CACNA1C: variants seen among roughly 807,000 people sequenced by gnomAD.
CACNA1C encodes voltage-dependent L-type calcium channel subunit alpha-1C.
Under a neutral mutation model 229.0 loss-of-function variants are expected in CACNA1C, and 30 were observed. That is an observed-to-expected ratio of 0.13 (90% confidence interval 0.10 to 0.18). The LOEUF is 0.18. Among genes scored for constraint, CACNA1C ranks in the 10% least tolerant of loss-of-function variants. The probability of loss-of-function intolerance (pLI) is 1.00; values close to 1 mark genes in which losing one functional copy is unlikely to be tolerated. For missense variants in CACNA1C, 1,658 were observed against 2,845.0 expected, an observed-to-expected ratio of 0.58 and a Z score of 9.49; for synonymous variants, 1,114 against 1,132.5, an observed-to-expected ratio of 0.98 and a Z score of 0.33.
At chr12:2,312,513 T>C (rs915253294) in intron 3 of CACNA1C, among the ~76,000 whole-genome samples, 2 of 152,180 alleles carry the variant, frequency 1.3e-5, no homozygotes, top group African/African-American at 4.8e-5. Flanking sequence ...TATACGACTT[T>C]GAAAATACTC....
intron 1 of CACNA1C, among the ~76,000 whole-genome samples, chr12:1,975,926 A>G (rs1396078215): frequency 3.3e-5 from 5 of 152,144 alleles, no homozygotes; most frequent in Non-Finnish European, 7.4e-5. Flanking sequence ...CAGGGTGAAG[A>G]GAAGGGTTGT....
intron 3 of CACNA1C, among the ~76,000 whole-genome samples, chr12:2,411,047 A>C (rs2098802063): frequency 6.6e-6 from 1 of 152,102 alleles, no homozygotes. Context: ...CCTCTTAGGA[A>C]GGGCCTAGAT....
At chr12:2,023,401 T>A (rs555524196) in intron 1 of CACNA1C, among the ~76,000 whole-genome samples, 1 of 152,204 alleles carries the variant, frequency 6.6e-6, no homozygotes, top group African/African-American at 2.4e-5. Context: ...CTTTTATCAC[T>A]TTCTACTCCT....
At chr12:2,655,657 G>A (rs1032048122) in intron 34 of CACNA1C, among the ~76,000 whole-genome samples, 1 of 152,174 alleles carries the variant, frequency 6.6e-6, no homozygotes, top group Non-Finnish European at 1.5e-5. Flanking sequence ...CGTGCTGGGC[G>A]CTTATGTCCA....
At position 2,097,295 on chromosome 12, in the gene CACNA1C, G is replaced by A. The variant is rs1009052648; in HGVS notation, c.50-17929G>A. ...CGTGTAGCTGGGACTACAGGCGCCT[G>A]CCACCACGCCCAGCTAATTTTTTTG... On this transcript the variant is annotated intron_variant, in intron 1 of 46. Coordinates refer to ENST00000399655, the MANE Select transcript of CACNA1C (RefSeq NM_000719.7). Among the ~76,000 whole-genome samples, 67 of 152,114 alleles carry A rather than the reference G, an allele frequency of 4.4e-4. 1 individual carries two copies. The highest frequency in any genetic ancestry group is 7.6e-4 in the Non-Finnish European group (52 of 68,006).
At chr12:2,439,446 A>T (rs978729914) in intron 3 of CACNA1C, among the ~76,000 whole-genome samples, 1 of 152,156 alleles carries the variant, frequency 6.6e-6, no homozygotes, top group Non-Finnish European at 1.5e-5. Flanking sequence ...TGCCTGTGAG[A>T]GGTCAGCACA....
chr12:2,695,603 A>C lies in CACNA1C; in HGVS notation c.*4404A>C, dbSNP rs2097835091. ...AAAGAAAAGTCCTACAACTGTCAGGAATGGGGCACCTTTCCCTGTCCCTAA... is the reference window on the plus strand; with the variant it reads ...AAAGAAAAGTCCTACAACTGTCAGGCATGGGGCACCTTTCCCTGTCCCTAA... On this transcript the variant is annotated 3_prime_UTR_variant, in exon 47 of 47. Coordinates refer to ENST00000399655, the MANE Select transcript of CACNA1C (RefSeq NM_000719.7). 1 of 152,224 alleles carries C rather than the reference A, an allele frequency of 6.6e-6. No individual in the cohort carries two copies. Among genetic ancestry groups the C allele is most frequent in the African/African-American group, 2.4e-5 (1 of 41,440 alleles). The allele number at this position is 152,224 out of a possible 1,614,324, so 9.4% of individuals were successfully genotyped here.
At chr12:2,060,375 G>A (rs531515372) in intron 1 of CACNA1C, among the ~76,000 whole-genome samples, 21 of 152,278 alleles carry the variant, frequency 1.4e-4, no homozygotes, top group South Asian at 6.2e-4. Context: ...GACCAAGGGC[G>A]TCTTTCTGCT....
At chr12:2,563,729 G>C (rs545921119) in intron 11 of CACNA1C, among the ~76,000 whole-genome samples, 2 of 152,326 alleles carry the variant, frequency 1.3e-5, no homozygotes, top group South Asian at 4.1e-4. Flanking sequence ...GGCAATTTTG[G>C]GGGTATGTGC....
At chr12:2,521,667 T>G (rs1287148776) in intron 9 of CACNA1C, among the ~76,000 whole-genome samples, 1 of 152,222 alleles carries the variant, frequency 6.6e-6, no homozygotes, top group African/African-American at 2.4e-5. Context: ...CAGTTATCAG[T>G]GCCTGCGTTC....
chr12:2,396,785 G>C (rs1196176826), intron 3 of CACNA1C, among the ~76,000 whole-genome samples: 2 of 152,238 alleles, frequency 1.3e-5, no homozygotes, highest in African/African-American at 4.8e-5. Context: ...AAGGCATGGG[G>C]CCAAGCCTGG....
intron 25 of CACNA1C, 105 bp downstream of exon 25, chr12:2,606,768 C>A (rs2075566161): frequency 9.7e-7 from 1 of 1,026,482 alleles, no homozygotes; most frequent in South Asian, 1.5e-5. Flanking sequence ...ACTGCAGTGG[C>A]ACCTGCGCTC....
At chr12:2,156,249 TTTA>T (rs1334778798) in intron 3 of CACNA1C, among the ~76,000 whole-genome samples, 3 of 152,234 alleles carry the variant, frequency 2.0e-5, no homozygotes, top group East Asian at 1.9e-4. Context: ...GAAAGTATGC[TTTA>T]TTATTCATTA....
chr12:2,027,397 G>A (rs1276569047), intron 1 of CACNA1C, among the ~76,000 whole-genome samples: 1 of 152,064 alleles, frequency 6.6e-6, no homozygotes, highest in East Asian at 1.9e-4. Context: ...TTGCTTTAAT[G>A]CTTAAATGCT....
At chr12:2,245,765 A>C (rs1018814444) in intron 3 of CACNA1C, among the ~76,000 whole-genome samples, 1 of 152,190 alleles carries the variant, frequency 6.6e-6, no homozygotes, top group Non-Finnish European at 1.5e-5. Flanking sequence ...GGGTAGTTGC[A>C]GTCTTATTTA....
chr12:2,335,450 A>G (rs372047277), intron 3 of CACNA1C, among the ~76,000 whole-genome samples: 5 of 149,582 alleles, frequency 3.3e-5, no homozygotes, highest in East Asian at 2.0e-4. Flanking sequence ...AAAAAAAAAA[A>G]CCTTAAACAT....
chr12:2,060,846 A>G (rs1025882626), intron 1 of CACNA1C, among the ~76,000 whole-genome samples: 3 of 152,252 alleles, frequency 2.0e-5, no homozygotes, highest in Non-Finnish European at 2.9e-5. Flanking sequence ...TAGACAGTGA[A>G]TGAATGTTCT....
At chr12:2,615,471 C>T (rs1420276245) in intron 29 of CACNA1C, among the ~76,000 whole-genome samples, 1 of 152,164 alleles carries the variant, frequency 6.6e-6, no homozygotes, top group African/African-American at 2.4e-5. Context: ...TATCATGTTC[C>T]TGAATTGGAA....
At chr12:1,990,265 T>C (rs1425487577) in intron 1 of CACNA1C, among the ~76,000 whole-genome samples, 1 of 152,206 alleles carries the variant, frequency 6.6e-6, no homozygotes, top group Non-Finnish European at 1.5e-5. Flanking sequence ...AGACAGTAAA[T>C]GTTTGTTGAA....
Sources: allele counts gnomAD v4.1 joint callset (sites outside exome capture counted in the v4.1 genomes callset), GRCh38; gene constraint gnomAD v4.1.1; transcripts MANE v1.5; gene names NCBI Gene and HGNC (gene_info 2026-07-23, HGNC 2026-07-21).